The following CD109 variants were observed in gnomAD, a reference collection of about 807,000 sequenced individuals.
The protein encoded by CD109 is CD109 antigen.
Under a neutral mutation model 165.8 loss-of-function variants are expected in CD109, and 149 were observed. That is an observed-to-expected ratio of 0.90 (90% CI 0.79 to 1.03). The LOEUF is 1.03. Among genes scored for constraint, CD109 ranks in the 50% least tolerant of loss-of-function variants. CD109 has a pLI of 0.00. For synonymous variants in CD109, 585 were observed against 592.1 expected (o/e 0.99, Z 0.18); for missense variants, 1,712 against 1,677.8 (o/e 1.02, Z -0.36).
Position 73,730,423 on chromosome 6 carries a change from G to C in CD109, c.356G>C (p.Ser119Thr). ...RTQDEILFSN[S>T]TRLSFETKRI... ...CAGGATGAGATTTTATTCTCTAATA[G>C]TACCCGCTTATCATTTGAGACCAAG... Residue 119 changes from serine (S) to threonine (T), a missense_variant, in exon 4 of 33, where the codon AGT becomes ACT. Transcript: ENST00000287097. 1 of 1,613,588 alleles carries C rather than the reference G, an allele frequency of 6.2e-7. No individual in the cohort carries two copies. Among genetic ancestry groups the C allele is most frequent in the Non-Finnish European group, 8.5e-7 (1 of 1,179,536 alleles).
chr6:73,775,699 G>C (rs951084882), intron 15 of CD109, among the ~76,000 whole-genome samples: 1 of 152,044 alleles, frequency 6.6e-6, no homozygotes, highest in Non-Finnish European at 1.5e-5. Flanking sequence ...AATCTCTACT[G>C]TGTGTTGTTC....
In CD109 at chr6:73,781,351, G is replaced by A. The variant is rs770823819; in HGVS notation, c.1963+32G>A. The A allele has an allele frequency of 1.8e-5, 28 of 1,540,396 alleles. No individual in the cohort carries two copies. In the Admixed American group the frequency reaches 4.7e-4, roughly 26 times the overall value. ...AATACATGGCGACATGCTTGTATTT[G>A]TCTTTCACATGATATTCAACATTAC... is the stretch of plus-strand genomic sequence containing the variant. On this transcript the variant is annotated intron_variant, in intron 17 of 32. Transcript: ENST00000287097.
rs1776287886 is a variant in CD109 at position 73,826,732 on chromosome 6, A to G, written c.*3099A>G. On this transcript the variant is annotated 3_prime_UTR_variant, in exon 33 of 33. Coordinates refer to ENST00000287097, the MANE Select transcript of CD109 (RefSeq NM_133493.5). ...TGTTTTGCTTATGTAGAATCCAGATATATTTCTGTTACCTAGGAGATGTTA... is the reference window on the plus strand; with the variant it reads ...TGTTTTGCTTATGTAGAATCCAGATGTATTTCTGTTACCTAGGAGATGTTA... The G allele has an allele frequency of 6.6e-6, 1 of 152,066 alleles. No individual in the cohort carries two copies. The highest frequency in any genetic ancestry group is 6.6e-5 in the Admixed American group (1 of 15,252). The allele number at this position is 152,066 out of a possible 1,614,324, so 9.4% of individuals were successfully genotyped here. A position where few individuals can be genotyped will look rare whatever the true frequency, so the allele number is the denominator to read the frequency against.
At position 73,783,804 on chromosome 6, in the gene CD109, C is replaced by G. The variant is rs1774591981; in HGVS notation, c.2203C>G (p.Leu735Val). The change falls in exon 19 of 33, where the codon CTA becomes GTA. Residue 735 changes from leucine to valine, a missense_variant. By Grantham distance (32) the Leu-to-Val change is conservative (BLOSUM62 1). Transcript: ENST00000287097. The stretch of plus-strand genomic sequence containing the variant: ...GATCTCTGAGGACCTGGGTCTTGGA[C>G]TAACAACTACTCCAGTGGAGGTATT... ...FVISEDLGLG[L>V]TTTPVELQAF... 1 of 1,593,622 alleles carries G rather than the reference C, an allele frequency of 6.3e-7. No individual in the cohort carries two copies. Among genetic ancestry groups the G allele is most frequent in the Admixed American group, 1.7e-5 (1 of 59,902 alleles).
At chr6:73,748,486 C>CAT (rs1773064924) in intron 5 of CD109, among the ~76,000 whole-genome samples, 1 of 152,184 alleles carries the variant, frequency 6.6e-6, no homozygotes. Flanking sequence ...ATTTGTAATA[C>CAT]ATACTCACAT....
intron 5 of CD109, among the ~76,000 whole-genome samples, chr6:73,746,522 A>G (rs1450253943): frequency 1.3e-5 from 2 of 152,176 alleles, no homozygotes; most frequent in African/African-American, 2.4e-5. Flanking sequence ...TTGAGTAGGA[A>G]CAGAGAGGGT....
At chr6:73,764,658 C>T (rs139634940) in intron 10 of CD109, among the ~76,000 whole-genome samples, 91 of 151,708 alleles carry the variant, frequency 6.0e-4, no homozygotes, top group African/African-American at 2.1e-3. Flanking sequence ...CCACTAAAAA[C>T]ACAAAAAATT....
intron 26 of CD109, among the ~76,000 whole-genome samples, chr6:73,809,732 C>T (rs896392506): frequency 6.6e-6 from 1 of 151,980 alleles, no homozygotes; most frequent in Non-Finnish European, 1.5e-5. Context: ...CTTCTGGCCC[C>T]AAGCTTTTTG....
chr6:73,734,656 A>T lies in CD109; in HGVS notation c.508-1727A>T, dbSNP rs112008252. On this transcript the variant is annotated intron_variant, in intron 4 of 32. Transcript: ENST00000287097. ...CTTGCTTTTGGTCTCTGGTTTTCAC[A>T]ATTGGTTTCTGGCTTATTAGACTGC... Among the ~76,000 whole-genome samples, 68 of 152,192 alleles carry T rather than the reference A, an allele frequency of 4.5e-4. 5 individuals carry two copies. Among genetic ancestry groups the T allele is most frequent in the African/African-American group, 1.2e-3 (49 of 41,508 alleles).
chr6:73,813,361 G>T (rs1775816110), intron 29 of CD109, among the ~76,000 whole-genome samples: 1 of 152,118 alleles, frequency 6.6e-6, no homozygotes, highest in African/African-American at 2.4e-5. Context: ...TCACCAAGTT[G>T]GTTGGAATTC....
At chr6:73,689,496 C>G in the CD109 span, among the ~76,000 whole-genome samples, 1 of 152,108 alleles carries the variant, frequency 6.6e-6, no homozygotes. Flanking sequence ...ATTTTGGTGG[C>G]CAGTGTGTTA....
At chr6:73,762,710 GT>G in intron 8 of CD109, 30 bp from the exon 9 acceptor site, 12 of 1,545,086 alleles carry the variant, frequency 7.8e-6, no homozygotes, top group Non-Finnish European at 1.1e-5. Flanking sequence ...TGCTAAAATG[GT>G]AAATAATACT....
intron 23 of CD109, among the ~76,000 whole-genome samples, chr6:73,802,289 G>GTATATATATA (rs1554183442): frequency 4.7e-4 from 37 of 78,184 alleles, no homozygotes; most frequent in Middle Eastern, 8.9e-3. Flanking sequence ...GTGTGTGTGT[G>GTATATATATA]TATATATATA....
rs1026524944 is a variant in CD109 at position 73,765,829 on chromosome 6, AT to A, written c.1108-96del. 1.7e-5 allele frequency: 14 copies of A among 836,636 alleles called. No individual in the cohort carries two copies. In the African/African-American group the frequency reaches 2.2e-4, roughly 13 times the overall value. The allele number at this position is 836,636 out of a possible 1,614,324, so 51.8% of individuals were successfully genotyped here. A position where few individuals can be genotyped will look rare whatever the true frequency, so the allele number is the denominator to read the frequency against. ...TCTGGATATTATAGTGCTACCAATAATTTTTGAGAGTTCAATTTCATGAGAA... is the reference window on the plus strand; with the variant it reads ...TCTGGATATTATAGTGCTACCAATAATTTTGAGAGTTCAATTTCATGAGAA... On this transcript the variant is annotated intron_variant, in intron 10 of 32. Transcript: ENST00000287097.
At chr6:73,692,517 T>C (rs1770708027), upstream of CD109, among the ~76,000 whole-genome samples, 1 of 152,170 alleles carries the variant, frequency 6.6e-6, no homozygotes, top group South Asian at 2.1e-4. Context: ...CTTTCTTCAG[T>C]GCATAGATCT....
At chr6:73,682,992 A>G in the CD109 span, among the ~76,000 whole-genome samples, 2 of 152,154 alleles carry the variant, frequency 1.3e-5, no homozygotes, top group African/African-American at 4.8e-5. Context: ...TTTCCTCCTA[A>G]GCTTCCAGGC....
At chr6:73,815,211 A>C in intron 30 of CD109, 88 bp downstream of exon 30, 1 of 1,113,420 alleles carries the variant, frequency 9.0e-7, no homozygotes, top group Non-Finnish European at 1.2e-6. Flanking sequence ...ATATCAATCT[A>C]AGAGTTATAT....
intron 19 of CD109, among the ~76,000 whole-genome samples, chr6:73,784,348 C>T (rs1178196772): frequency 6.6e-6 from 1 of 152,112 alleles, no homozygotes; most frequent in Admixed American, 6.6e-5. Context: ...TAATCGTATT[C>T]ATGAAAAATA....
At chr6:73,687,481 T>C in the CD109 span, among the ~76,000 whole-genome samples, 1 of 130,350 alleles carries the variant, frequency 7.7e-6, no homozygotes, top group Non-Finnish European at 1.6e-5. Context: ...TCCCCTCTCC[T>C]TCCCTCTCCT....
Sources: allele counts gnomAD v4.1 joint callset (sites outside exome capture counted in the v4.1 genomes callset), GRCh38; gene constraint gnomAD v4.1.1; transcripts MANE v1.5; gene names NCBI Gene and HGNC (gene_info 2026-07-23, HGNC 2026-07-21).